The following TJP1 variants were observed in gnomAD, a reference collection of about 807,000 sequenced individuals.
TJP1 encodes tight junction protein ZO-1.
In TJP1, 43 loss-of-function variants were observed where a neutral mutation model predicts 194.2. That is an observed-to-expected ratio of 0.22 (90% confidence interval 0.17 to 0.29). The LOEUF (loss-of-function observed/expected upper bound fraction) is 0.29, where lower values mean the gene tolerates loss of function less well. TJP1 is among the 10% of genes least tolerant of loss of function. The pLI is 1.00. For synonymous variants in TJP1, 801 were observed against 779.0 expected, an observed-to-expected ratio of 1.03 and a Z score of -0.47; for missense variants, 1,971 against 2,185.7, an observed-to-expected ratio of 0.90 and a Z score of 1.96.
intron 2 of TJP1, among the ~76,000 whole-genome samples, chr15:29,939,617 G>A (rs1335427069): frequency 1.3e-5 from 2 of 152,186 alleles, no homozygotes; most frequent in Non-Finnish European, 2.9e-5. Flanking sequence ...TACACACCAT[G>A]TGCTATGGTC....
chr15:29,821,190 T>C (rs893235078), intron 1 of TJP1, among the ~76,000 whole-genome samples: 20 of 152,332 alleles, frequency 1.3e-4, no homozygotes, highest in Middle Eastern at 3.4e-3. Context: ...GGCTTTTTAA[T>C]GTAATACACA....
At chr15:29,773,418 C>T in intron 2 of TJP1, 61 bp from the exon 3 acceptor site, 1 of 1,538,934 alleles carries the variant, frequency 6.5e-7, no homozygotes, top group Non-Finnish European at 8.9e-7. Flanking sequence ...TTATATCATA[C>T]TCTACAATCT....
intron 8 of TJP1, among the ~76,000 whole-genome samples, chr15:29,756,628 T>C (rs1314326144): frequency 6.6e-6 from 1 of 152,188 alleles, no homozygotes; most frequent in Admixed American, 6.5e-5. Flanking sequence ...ATTCTCTCCA[T>C]ATGTTTGCTC....
At chr15:29,837,434 T>G in intron 2 of TJP1, among the ~76,000 whole-genome samples, 1 of 152,160 alleles carries the variant, frequency 6.6e-6, no homozygotes, top group Admixed American at 6.5e-5. Context: ...AGTGGGTGCC[T>G]GTAATCCTAG....
intron 2 of TJP1, among the ~76,000 whole-genome samples, chr15:29,934,211 G>T (rs1346787884): frequency 2.0e-5 from 3 of 152,262 alleles, no homozygotes; most frequent in Non-Finnish European, 2.9e-5. Context: ...CATTTGTTTT[G>T]ATATTATTTT....
chr15:29,759,942 T>C, intron 8 of TJP1: 1 of 425,114 alleles, frequency 2.4e-6, no homozygotes, highest in South Asian at 5.9e-5. Flanking sequence ...AGATATCTCT[T>C]CGAGACAGTG....
At chr15:29,867,469 T>G (rs1056096548) in intron 2 of TJP1, among the ~76,000 whole-genome samples, 1 of 152,204 alleles carries the variant, frequency 6.6e-6, no homozygotes, top group Non-Finnish European at 1.5e-5. Flanking sequence ...GTGGCCCATG[T>G]GTGCTATGTC....
chr15:29,711,709 G>A (rs1232413395), intron 23 of TJP1, among the ~76,000 whole-genome samples: 3 of 151,536 alleles, frequency 2.0e-5, no homozygotes, highest in East Asian at 1.9e-4. Context: ...TGGCATACTC[G>A]GAGCACCATA....
Position 29,727,127 on chromosome 15 carries a change from T to C in TJP1, c.2101-136A>G, listed in dbSNP as rs529769621. 1.9e-5 allele frequency: 13 copies of C among 702,004 alleles called. No homozygotes were observed. In the Admixed American group the frequency reaches 1.9e-4, roughly 10 times the overall value. 43.5% of individuals were successfully genotyped at this position (702,004 alleles called of 1,614,324 possible). Reference sequence around the variant, plus strand: ...GGGAGGTCGAGGTGGGTGAATCACTTGAGGCCAGGAGTTCCAGACCAGCCT... The same window carrying C: ...GGGAGGTCGAGGTGGGTGAATCACTCGAGGCCAGGAGTTCCAGACCAGCCT... On this transcript the variant is annotated intron_variant, in intron 16 of 27. Transcript: ENST00000614355.
intron 18 of TJP1, 96 bp from the exon 19 acceptor site, chr15:29,720,804 T>C (rs1263007951): frequency 3.0e-6 from 3 of 1,013,536 alleles, no homozygotes; most frequent in Non-Finnish European, 4.3e-6. Flanking sequence ...TATCTTTCTC[T>C]GGAGAAGTCA....
chr15:29,793,233 G>C (rs967412775), intron 2 of TJP1, among the ~76,000 whole-genome samples: 1 of 152,182 alleles, frequency 6.6e-6, no homozygotes, highest in Non-Finnish European at 1.5e-5. Context: ...GATACTAGCT[G>C]TGGGTTTATC....
intron 1 of TJP1, among the ~76,000 whole-genome samples, chr15:29,816,873 G>C (rs991273464): frequency 3.3e-5 from 5 of 152,070 alleles, no homozygotes; most frequent in Admixed American, 3.3e-4. Flanking sequence ...GAAAACCTAG[G>C]CAATACCATT....
chr15:29,809,835 G>A (rs1363363035), intron 1 of TJP1, among the ~76,000 whole-genome samples: 1 of 148,112 alleles, frequency 6.8e-6, no homozygotes, highest in Non-Finnish European at 1.5e-5. Context: ...AACCAGGAGC[G>A]AAACTCCGTC....
At chr15:29,740,196 T>C (rs955986731) in intron 10 of TJP1, among the ~76,000 whole-genome samples, 11 of 151,620 alleles carry the variant, frequency 7.3e-5, no homozygotes, top group East Asian at 5.9e-4. Context: ...AGGATGGTCT[T>C]GATCTCCTGA....
chr15:29,952,109 C>T (rs1004196056), intron 2 of TJP1, among the ~76,000 whole-genome samples: 2 of 152,166 alleles, frequency 1.3e-5, no homozygotes, highest in Non-Finnish European at 2.9e-5. Flanking sequence ...GGTCACTTTT[C>T]TTTTTCATAT....
chr15:29,889,226 A>G (rs1596191385), intron 2 of TJP1, among the ~76,000 whole-genome samples: 2 of 152,242 alleles, frequency 1.3e-5, no homozygotes, highest in African/African-American at 4.8e-5. Flanking sequence ...GCTGAAAGAC[A>G]TATCAGAAAT....
At chr15:29,823,230 C>T (rs1053283469), upstream of TJP1, 1 of 152,200 alleles carries the variant, frequency 6.6e-6, no homozygotes, top group Non-Finnish European at 1.5e-5. Context: ...GTCAAGCTGC[C>T]CTGCATTCCA....
At chr15:29,780,786 G>C (rs1254759102) in intron 2 of TJP1, among the ~76,000 whole-genome samples, 1 of 151,946 alleles carries the variant, frequency 6.6e-6, no homozygotes, top group Non-Finnish European at 1.5e-5. Context: ...AATTTTAAAA[G>C]GTCATTTTAG....
At chr15:29,949,363 A>C (rs1283259562) in intron 2 of TJP1, among the ~76,000 whole-genome samples, 434 of 36,416 alleles carry the variant, frequency 0.012, 1 homozygote, top group Non-Finnish European at 0.015. Context: ...CCTCCACCAC[A>C]ACCATCTTCA....
Sources: gnomAD v4.1 joint callset for allele counts (sites outside exome capture counted in the v4.1 genomes callset) on GRCh38, gnomAD v4.1.1 for gene constraint, MANE v1.5 for transcripts, NCBI Gene and HGNC (gene_info 2026-07-23, HGNC 2026-07-21) for gene names.